Variants in COL16A1 observed in about 807,000 individuals in gnomAD.
The protein encoded by COL16A1 is collagen alpha-1(XVI) chain.
In COL16A1, 189 loss-of-function variants were observed where a neutral mutation model predicts 266.3. That is an observed-to-expected ratio of 0.71 (90% CI 0.63 to 0.80). The LOEUF is 0.80. COL16A1 is among the 30% of genes least tolerant of loss of function. The pLI, the probability that COL16A1 is intolerant of heterozygous loss-of-function variation, is 0.00. For missense variants in COL16A1, 1,928 were observed against 2,122.4 expected (o/e 0.91, Z 1.80); for synonymous variants, 740 against 782.3 (o/e 0.95, Z 0.90).
At chr1:31,669,394 C>T (rs1308298051) in intron 49 of COL16A1, among the ~76,000 whole-genome samples, 3 of 151,942 alleles carry the variant, frequency 2.0e-5, no homozygotes, top group African/African-American at 7.3e-5. Flanking sequence ...CAGAGCAGTC[C>T]CTGTCACTTT....
intron 64 of COL16A1, among the ~76,000 whole-genome samples, chr1:31,658,048 C>T (rs1212421494): frequency 2.0e-5 from 3 of 152,256 alleles, no homozygotes; most frequent in South Asian, 4.1e-4. Flanking sequence ...ATTCGGCACA[C>T]ATCGGTGACC....
At position 31,662,568 on chromosome 1, in the gene COL16A1, T is replaced by C; in HGVS notation, c.3627+19A>G. Reference sequence around the variant, plus strand: ...CATGCATCGCACACGTCTGCCACGCTGAAAGGGCACACACTCACCTGAATC... The same window carrying C: ...CATGCATCGCACACGTCTGCCACGCCGAAAGGGCACACACTCACCTGAATC... On this transcript the variant is annotated intron_variant, in intron 57 of 70. Transcript: ENST00000373672. 1 of 1,562,026 alleles carries C rather than the reference T, an allele frequency of 6.4e-7. No individual in the cohort carries two copies. The highest frequency in any genetic ancestry group is 8.7e-7 in the Non-Finnish European group (1 of 1,153,298).
chr1:31,701,973 A>G lies in COL16A1; in HGVS notation c.73+148T>C, dbSNP rs568662423. On this transcript the variant is annotated intron_variant, in intron 2 of 70. Transcript: ENST00000373672. ...TGCACACAGGCTCAAGGGTGCCAAC[A>G]CCTCAGATCACCCTGAGCCCAGCCC... 3.7e-5 allele frequency: 44 copies of G among 1,203,302 alleles called. No individual in the cohort carries two copies. The South Asian group carries it at 5.0e-4, about 14-fold the overall frequency. The allele number at this position is 1,203,302 out of a possible 1,614,324, so 74.5% of individuals were successfully genotyped here. A position where few individuals can be genotyped will look rare whatever the true frequency, so the allele number is the denominator to read the frequency against.
At chr1:31,655,660 C>A in intron 66 of COL16A1, 158 bp from the exon 67 acceptor site, 1 of 1,279,464 alleles carries the variant, frequency 7.8e-7, no homozygotes, top group Non-Finnish European at 1.1e-6. Flanking sequence ...CCAGAGTGGT[C>A]CTTCTAGAAG....
chr1:31,675,244 T>C lies in COL16A1; in HGVS notation c.2826+14A>G. The C allele has an allele frequency of 6.2e-7, 1 of 1,614,230 alleles. No individual in the cohort carries two copies. Among genetic ancestry groups the C allele is most frequent in the African/African-American group, 1.3e-5 (1 of 75,076 alleles). On this transcript the variant is annotated intron_variant, in intron 43 of 70. Coordinates refer to ENST00000373672, the MANE Select transcript of COL16A1 (RefSeq NM_001856.4). ...GGGAAGGGGCATGCACAGGGAGTCCTGGCCAGTACCCACCAGTTCTGCAGT... is the reference window on the plus strand; with the variant it reads ...GGGAAGGGGCATGCACAGGGAGTCCCGGCCAGTACCCACCAGTTCTGCAGT...
rs543077620 is a variant in COL16A1 at position 31,687,664 on chromosome 1, C to T, written c.1803+803G>A. Reference sequence around the variant, plus strand: ...GCGTCAGGAGTGAAGGATCTGAGGACGACCGCAAGGCTGGGCTTTGAGGGG... The same window carrying T: ...GCGTCAGGAGTGAAGGATCTGAGGATGACCGCAAGGCTGGGCTTTGAGGGG... On this transcript the variant is annotated intron_variant, in intron 26 of 70. Transcript: ENST00000373672. Among the ~76,000 whole-genome samples the T allele has an allele frequency of 1.6e-4, 24 of 151,094 alleles. No individual in the cohort carries two copies. The East Asian group carries it at 4.3e-3, about 27-fold the overall frequency.
intron 52 of COL16A1, among the ~76,000 whole-genome samples, chr1:31,666,862 G>T (rs1012481053): frequency 1.3e-5 from 2 of 152,044 alleles, no homozygotes; most frequent in African/African-American, 4.8e-5. Flanking sequence ...AGTCCTCATC[G>T]TTCCTAGGCA....
intron 19 of COL16A1, 43 bp downstream of exon 19, chr1:31,691,374 G>C (rs755045502): frequency 6.3e-6 from 10 of 1,591,998 alleles, no homozygotes; most frequent in African/African-American, 1.3e-5. Flanking sequence ...TGGGAGAGCG[G>C]TCTCTGAGAA....
At chr1:31,679,555 T>C in intron 42 of COL16A1, 77 bp downstream of exon 42, 1 of 1,613,966 alleles carries the variant, frequency 6.2e-7, no homozygotes, top group East Asian at 2.2e-5. Context: ...GCAGCATCCT[T>C]GGGGTCCAGC....
rs1641843452 is a variant in COL16A1 at position 31,663,214 on chromosome 1, A to C, written c.3556-556T>G. The C allele has an allele frequency of 6.3e-6, 1 of 159,554 alleles. No individual in the cohort carries two copies. The highest frequency in any genetic ancestry group is 2.4e-5 in the African/African-American group (1 of 41,520). 9.9% of individuals were successfully genotyped at this position (159,554 alleles called of 1,614,324 possible). On this transcript the variant is annotated intron_variant, in intron 56 of 70. Transcript: ENST00000373672. The surrounding 1 kb of genome is among the most constrained non-coding windows in gnomAD (Gnocchi z 4.9). ...CATGGGCCCAACACAACCAGGGGCA[A>C]TACAACAGTCTAAGTGTTCTGTGTG...
intron 47 of COL16A1, among the ~76,000 whole-genome samples, chr1:31,671,987 A>G (rs1642753883): frequency 1.3e-5 from 2 of 152,252 alleles, no homozygotes; most frequent in Admixed American, 6.5e-5. Flanking sequence ...GAGCTGGCAC[A>G]TAGTTGGTGT....
chr1:31,673,535 C>T (rs941962272), intron 44 of COL16A1, among the ~76,000 whole-genome samples: 5 of 152,362 alleles, frequency 3.3e-5, no homozygotes, highest in African/African-American at 1.2e-4. Flanking sequence ...GGAGCCCCTG[C>T]TCACTTTCAC....
intron 42 of COL16A1, among the ~76,000 whole-genome samples, chr1:31,676,977 G>A (rs1570463719): frequency 6.6e-6 from 1 of 152,362 alleles, no homozygotes; most frequent in East Asian, 1.9e-4. Context: ...GTCAGACCCG[G>A]AGCCAGCCAC....
rs1006335277 is a variant in COL16A1 at position 31,663,667 on chromosome 1, C to A, written c.3556-1009G>T. Among the ~76,000 whole-genome samples, 3 of 152,304 alleles carry A rather than the reference C, an allele frequency of 2.0e-5. No individual in the cohort carries two copies. Among genetic ancestry groups the A allele is most frequent in the South Asian group, 4.1e-4 (2 of 4,820 alleles). ...CCCACCGTTGTCTTAGCCAGGGAATCTCCGCTTGTATTTGTTTTATAGATT... is the reference window on the plus strand; with the variant it reads ...CCCACCGTTGTCTTAGCCAGGGAATATCCGCTTGTATTTGTTTTATAGATT... On this transcript the variant is annotated intron_variant, in intron 56 of 70. Transcript: ENST00000373672. The surrounding 1 kb of genome is among the most constrained non-coding windows in gnomAD (Gnocchi z 4.9).
At chr1:31,679,751 TAGGGTG>T (rs1366958682) in intron 41 of COL16A1, 47 bp downstream of exon 41, 1 of 1,602,392 alleles carries the variant, frequency 6.2e-7, no homozygotes, top group East Asian at 2.2e-5. Context: ...AGCAGCTGTT[TAGGGTG>T]GACAAGCCGC....
At position 31,692,663 on chromosome 1, in the gene COL16A1, T is replaced by A. The variant is rs1372718262; in HGVS notation, c.1114-21A>T. 1.9e-6 allele frequency: 3 copies of A among 1,614,046 alleles called. No individual in the cohort carries two copies. In the Admixed American group the frequency reaches 5.0e-5, roughly 27 times the overall value. On this transcript the variant is annotated intron_variant, in intron 14 of 70. Transcript: ENST00000373672. ...GCACACTGAACAGGGGAACACAGTG[T>A]TGAGAGGGGCAGAGGGTCACCTGAT...
At position 31,655,238 on chromosome 1, in the gene COL16A1, T is replaced by C. The variant is rs1333506551; in HGVS notation, c.4290+76A>G. On this transcript the variant is annotated intron_variant, in intron 67 of 70. Coordinates refer to ENST00000373672, the MANE Select transcript of COL16A1 (RefSeq NM_001856.4). ...TTCCCACAGAATGTCAGCAGGAGCT[T>C]GGAAGATGATCCGAGCTCCACCCCA... The C allele has an allele frequency of 2.6e-6, 4 of 1,530,112 alleles. No homozygotes were observed. The Admixed American group carries it at 6.4e-5, about 24-fold the overall frequency. The allele number at this position is 1,530,112 out of a possible 1,614,324, so 94.8% of individuals were successfully genotyped here.
At position 31,689,767 on chromosome 1, in the gene COL16A1, C is replaced by T; in HGVS notation, c.1594G>A (p.Glu532Lys). 1 of 1,614,122 alleles carries T rather than the reference C, an allele frequency of 6.2e-7. No homozygotes were observed. Among genetic ancestry groups the T allele is most frequent in the African/African-American group, 1.3e-5 (1 of 75,046 alleles). Reference protein sequence around the residue: ...GLPGKPGPKGEPGDPVPARGD... With the variant: ...GLPGKPGPKGKPGDPVPARGD... ...CTGGCTGGTACAGGATCACCAGGCT[C>T]CCCTTTGGGCCCTGGCTTTCCAGGA... The change falls in exon 23 of 71, where the codon GAG (glutamate) becomes AAG (lysine). Residue 532 changes from glutamate to lysine, a missense_variant. This residue lies in a region of COL16A1 where 1,552 missense variants were observed against 1,637.2 expected (regional missense o/e 0.95). Transcript: ENST00000373672.
chr1:31,658,467 C>T lies in COL16A1; in HGVS notation c.4020+21G>A, dbSNP rs746833027. Reference sequence around the variant, plus strand: ...ATTGACTCTTTCCCCCTGGGCTATGCTGTAGAATGTGGGATCTTACTGGGG... The same window carrying T: ...ATTGACTCTTTCCCCCTGGGCTATGTTGTAGAATGTGGGATCTTACTGGGG... On this transcript the variant is annotated intron_variant, in intron 64 of 70. Transcript: ENST00000373672. The T allele has an allele frequency of 5.1e-6, 8 of 1,581,444 alleles. 1 individual carries two copies. Among genetic ancestry groups the T allele is most frequent in the Non-Finnish European group, 6.9e-6 (8 of 1,159,322 alleles).
Sources: gnomAD v4.1 joint callset for allele counts (sites outside exome capture counted in the v4.1 genomes callset) on GRCh38, gnomAD v4.1.1 for gene constraint, gnomAD v4.1.1 regional missense constraint, Gnocchi (gnomAD v3.1) non-coding constraint, MANE v1.5 for transcripts, NCBI Gene and HGNC (gene_info 2026-07-23, HGNC 2026-07-21) for gene names.